Variants in ARL15 observed in about 807,000 individuals in gnomAD.
The protein encoded by ARL15 is ADP-ribosylation factor-like protein 15.
A neutral mutation model predicts 25.2 loss-of-function variants in ARL15; 19 were observed. The observed-to-expected ratio is 0.75, with a 90% confidence interval of 0.53 to 1.10. ARL15 has a LOEUF of 1.10. Ranked by LOEUF, ARL15 falls within the 50% of genes least tolerant of loss-of-function variation. The pLI, the probability that ARL15 is intolerant of heterozygous loss-of-function variation, is 0.00. For synonymous variants in ARL15, 94 were observed against 86.8 expected (o/e 1.08, Z -0.46); for missense variants, 220 against 246.0 (o/e 0.89, Z 0.71).
rs373572943 is a variant in ARL15, at chr5:54,083,529, C to T, written c.462+29673G>A. ...TACTTAAATGTGATATATACTGTTGCTTTGGGTCAAAAGTTTTTTCATGAG... is the reference window on the plus strand; with the variant it reads ...TACTTAAATGTGATATATACTGTTGTTTTGGGTCAAAAGTTTTTTCATGAG... On this transcript the variant is annotated intron_variant, in intron 4 of 4. Coordinates refer to ENST00000504924, the MANE Select transcript of ARL15 (RefSeq NM_019087.3). Among the ~76,000 whole-genome samples the T allele has an allele frequency of 3.2e-4, 49 of 152,232 alleles. 1 individual carries two copies. The highest frequency in any genetic ancestry group is 1.1e-3 in the African/African-American group (46 of 41,530).
intron 1 of ARL15, among the ~76,000 whole-genome samples, chr5:54,184,742 T>A (rs993292124): frequency 6.6e-6 from 1 of 152,144 alleles, no homozygotes; most frequent in African/African-American, 2.4e-5. Context: ...CTCAGTCCCA[T>A]ATATTCTACT....
intron 4 of ARL15, among the ~76,000 whole-genome samples, chr5:54,064,144 A>G (rs1751146604): frequency 6.6e-6 from 1 of 151,764 alleles, no homozygotes; most frequent in Non-Finnish European, 1.5e-5. Flanking sequence ...GCTGCTGTGT[A>G]ACAACCAAGC....
intron 4 of ARL15, among the ~76,000 whole-genome samples, chr5:53,923,039 TA>T (rs1745906190): frequency 6.6e-6 from 1 of 152,200 alleles, no homozygotes. Context: ...GATTAATTTT[TA>T]AAAAGTGGCC....
chr5:54,041,608 A>G (rs1386868106), intron 4 of ARL15, among the ~76,000 whole-genome samples: 1 of 152,168 alleles, frequency 6.6e-6, no homozygotes, highest in Non-Finnish European at 1.5e-5. Flanking sequence ...TTACAATCAC[A>G]TGCTTCTTTA....
chr5:54,131,234 T>C (rs1055381097), intron 3 of ARL15, among the ~76,000 whole-genome samples: 3 of 152,238 alleles, frequency 2.0e-5, no homozygotes, highest in African/African-American at 7.2e-5. Flanking sequence ...TAGCCTGTCA[T>C]TCAAGGCTCT....
chr5:53,991,642 G>T (rs929380245), intron 4 of ARL15, among the ~76,000 whole-genome samples: 7 of 151,526 alleles, frequency 4.6e-5, no homozygotes, highest in Non-Finnish European at 1.0e-4. Context: ...GAAGAACAGA[G>T]CAAGATCAGA....
chr5:54,252,459 C>G (rs543977616), intron 1 of ARL15, among the ~76,000 whole-genome samples: 1 of 152,242 alleles, frequency 6.6e-6, no homozygotes, highest in South Asian at 2.1e-4. Context: ...GCTCCCTGGA[C>G]TTTCTGAAGT....
chr5:54,195,396 T>A (rs977079324), intron 1 of ARL15, among the ~76,000 whole-genome samples: 1 of 152,168 alleles, frequency 6.6e-6, no homozygotes, highest in Admixed American at 6.5e-5. Context: ...ATGGTTTAAA[T>A]AGCTACTACA....
chr5:54,178,651 C>A (rs1405150197), intron 1 of ARL15, among the ~76,000 whole-genome samples: 1 of 135,796 alleles, frequency 7.4e-6, no homozygotes, highest in Non-Finnish European at 1.6e-5. Flanking sequence ...TGACCCTTCT[C>A]CAACTCTCAT....
intron 4 of ARL15, among the ~76,000 whole-genome samples, chr5:53,958,991 A>G (rs890045062): frequency 1.3e-5 from 2 of 152,188 alleles, no homozygotes; most frequent in African/African-American, 4.8e-5. Context: ...TTTCAATAAT[A>G]GAAAGAATAT....
intron 4 of ARL15, among the ~76,000 whole-genome samples, chr5:53,972,961 A>T (rs1394010177): frequency 1.3e-5 from 2 of 152,156 alleles, no homozygotes; most frequent in Non-Finnish European, 2.9e-5. Flanking sequence ...CTTGAAGATA[A>T]ATTTCTAAAA....
At chr5:54,038,863 C>G (rs60087104) in intron 4 of ARL15, among the ~76,000 whole-genome samples, 6,158 of 152,122 alleles carry the variant, frequency 0.04, 417 homozygotes, top group African/African-American at 0.14. Context: ...TTGGGAAAAT[C>G]AAAGACTTTC....
At chr5:54,074,841 G>A (rs185377392) in intron 4 of ARL15, among the ~76,000 whole-genome samples, 2 of 151,630 alleles carry the variant, frequency 1.3e-5, no homozygotes, top group Admixed American at 1.3e-4. Context: ...AGGTAAAAGA[G>A]TAAAAAGAAT....
intron 3 of ARL15, among the ~76,000 whole-genome samples, chr5:54,135,947 C>T (rs944192916): frequency 1.3e-5 from 2 of 152,132 alleles, no homozygotes; most frequent in African/African-American, 4.8e-5. Context: ...AGCAAATGCA[C>T]CCATAGCCCA....
intron 4 of ARL15, among the ~76,000 whole-genome samples, chr5:54,076,794 T>TC (rs980957443): frequency 5.9e-5 from 9 of 151,776 alleles, no homozygotes; most frequent in East Asian, 1.9e-4. Flanking sequence ...AGGAGTGCTT[T>TC]TTTTTTTAAT....
At chr5:54,145,767 T>C (rs26608) in intron 3 of ARL15, among the ~76,000 whole-genome samples, 36,737 of 152,142 alleles carry the variant, frequency 0.24, 5,235 homozygotes, top group East Asian at 0.68. Flanking sequence ...GCTTGTGAAG[T>C]GTCTAGCATT....
chr5:54,147,072 C>G (rs949877928), intron 3 of ARL15, among the ~76,000 whole-genome samples: 1 of 152,120 alleles, frequency 6.6e-6, no homozygotes, highest in East Asian at 1.9e-4. Flanking sequence ...ATAGCTGTGG[C>G]CTTTTAACTC....
intron 3 of ARL15, among the ~76,000 whole-genome samples, chr5:54,129,121 T>A (rs1311986171): frequency 6.6e-6 from 1 of 152,196 alleles, no homozygotes; most frequent in Non-Finnish European, 1.5e-5. Context: ...ACCAATCCCT[T>A]CCTGATACCT....
At chr5:53,911,781 G>A (rs188443253) in intron 4 of ARL15, among the ~76,000 whole-genome samples, 1 of 152,052 alleles carries the variant, frequency 6.6e-6, no homozygotes, top group East Asian at 1.9e-4. Context: ...GAGAACATAT[G>A]GTCATCTGGC....
Sources: allele counts gnomAD v4.1 joint callset (sites outside exome capture counted in the v4.1 genomes callset), GRCh38; gene constraint gnomAD v4.1.1; transcripts MANE v1.5; gene names NCBI Gene and HGNC (gene_info 2026-07-23, HGNC 2026-07-21).